The following LRRC4C variants were observed in gnomAD, a reference collection of about 807,000 sequenced individuals.
LRRC4C encodes the protein leucine-rich repeat-containing protein 4C.
In LRRC4C, 5 loss-of-function variants were observed where a neutral mutation model predicts 33.6. The ratio of observed to expected loss-of-function variants is 0.15; its 90% CI spans 0.08 to 0.31. The LOEUF is 0.31. Among genes scored for constraint, LRRC4C ranks in the 10% least tolerant of loss-of-function variants. The pLI, the probability that LRRC4C is intolerant of heterozygous loss-of-function variation, is 1.00. For synonymous variants in LRRC4C, 329 were observed against 302.0 expected (o/e 1.09, Z -0.93); for missense variants, 560 against 796.7 (o/e 0.70, Z 3.58).
intron 2 of LRRC4C, among the ~76,000 whole-genome samples, chr11:40,728,053 A>C (rs1947372504): frequency 6.7e-6 from 1 of 150,258 alleles, no homozygotes; most frequent in Non-Finnish European, 1.5e-5. Context: ...AAAATAATGA[A>C]CATCACGAAT....
chr11:41,324,565 T>TA (rs1198949756), intron 1 of LRRC4C, among the ~76,000 whole-genome samples: 1 of 152,228 alleles, frequency 6.6e-6, no homozygotes, highest in African/African-American at 2.4e-5. Flanking sequence ...AATGACATCC[T>TA]ATCTGTAAAG....
chr11:40,451,818 A>G (rs1196162553), intron 3 of LRRC4C, among the ~76,000 whole-genome samples: 1 of 152,194 alleles, frequency 6.6e-6, no homozygotes, highest in African/African-American at 2.4e-5. Flanking sequence ...TAGAGTCAAG[A>G]TGGCTGAATA....
intron 2 of LRRC4C, among the ~76,000 whole-genome samples, chr11:40,687,782 T>A (rs944955631): frequency 5.3e-5 from 8 of 152,118 alleles, no homozygotes; most frequent in African/African-American, 1.9e-4. Flanking sequence ...AATTTCCTAA[T>A]GTGTAAATGG....
chr11:40,367,370 C>A (rs184418153), intron 3 of LRRC4C, among the ~76,000 whole-genome samples: 1 of 152,010 alleles, frequency 6.6e-6, no homozygotes, highest in African/African-American at 2.4e-5. Flanking sequence ...GAAACATTTC[C>A]AGTTGTTAAT....
rs543144777 is a variant in LRRC4C at position 40,593,835 on chromosome 11, G to T, written c.-270+54307C>A. Reference sequence around the variant, plus strand: ...ACCCATGTCACTTTTTAATTAAAATGAAAATCTTGCAATATCCTTTAGATT... The same window carrying T: ...ACCCATGTCACTTTTTAATTAAAATTAAAATCTTGCAATATCCTTTAGATT... On this transcript the variant is annotated intron_variant, in intron 3 of 6. Transcript: ENST00000528697. Among the ~76,000 whole-genome samples the T allele has an allele frequency of 2.0e-5, 3 of 152,182 alleles. No individual in the cohort carries two copies. The South Asian group carries it at 6.2e-4, about 32-fold the overall frequency.
At chr11:40,310,861 C>T (rs1031162697) in intron 4 of LRRC4C, among the ~76,000 whole-genome samples, 3 of 152,120 alleles carry the variant, frequency 2.0e-5, no homozygotes, top group Non-Finnish European at 2.9e-5. Flanking sequence ...AGACTGGGTC[C>T]TAAAGAAGAA....
chr11:41,456,822 T>C (rs1956184622), intron 1 of LRRC4C, among the ~76,000 whole-genome samples: 3 of 152,094 alleles, frequency 2.0e-5, no homozygotes, highest in African/African-American at 7.2e-5. Context: ...AAGGCATGGA[T>C]CTGGAGTTGG....
intron 2 of LRRC4C, among the ~76,000 whole-genome samples, chr11:40,885,239 T>G (rs74975063): frequency 9.1e-4 from 138 of 152,228 alleles, no homozygotes; most frequent in African/African-American, 3.2e-3. Context: ...AAATTTAAAG[T>G]TATTGCTTAG....
intron 2 of LRRC4C, among the ~76,000 whole-genome samples, chr11:40,878,827 C>A (rs1309406651): frequency 6.6e-6 from 1 of 152,160 alleles, no homozygotes; most frequent in Non-Finnish European, 1.5e-5. Context: ...TATTCACATA[C>A]AGTTTTACAA....
chr11:40,379,683 T>A (rs531239279), intron 3 of LRRC4C, among the ~76,000 whole-genome samples: 1 of 152,350 alleles, frequency 6.6e-6, no homozygotes, highest in South Asian at 2.1e-4. Context: ...CTGATGGTTG[T>A]TAGTTTATCA....
intron 5 of LRRC4C, among the ~76,000 whole-genome samples, chr11:40,200,426 C>T (rs1254481529): frequency 1.3e-5 from 2 of 151,436 alleles, no homozygotes; most frequent in Non-Finnish European, 2.9e-5. Flanking sequence ...CTTCAAAACA[C>T]GTTACCTTAG....
chr11:41,395,343 T>C (rs61877331), intron 1 of LRRC4C, among the ~76,000 whole-genome samples: 145 of 152,112 alleles, frequency 9.5e-4, no homozygotes, highest in Non-Finnish European at 1.6e-3. Context: ...GTAGAAATGC[T>C]GTATAACCTC....
chr11:40,409,796 T>C (rs1294172436), intron 3 of LRRC4C, among the ~76,000 whole-genome samples: 1 of 152,068 alleles, frequency 6.6e-6, no homozygotes, highest in Non-Finnish European at 1.5e-5. Flanking sequence ...TGTAAATTAG[T>C]ATAAGCATTA....
chr11:40,589,364 T>A (rs896598353), intron 3 of LRRC4C, among the ~76,000 whole-genome samples: 13 of 152,154 alleles, frequency 8.5e-5, no homozygotes, highest in Admixed American at 8.5e-4. Context: ...TTTGAGCCTA[T>A]GTGTGTCTCT....
chr11:41,185,477 A>G (rs967837296), intron 1 of LRRC4C, among the ~76,000 whole-genome samples: 1 of 152,210 alleles, frequency 6.6e-6, no homozygotes, highest in African/African-American at 2.4e-5. Flanking sequence ...AAAGTAAAAC[A>G]GAAAATCTGC....
In LRRC4C at chr11:40,282,858, A is replaced by T. The variant is rs555284386; in HGVS notation, c.-176+36770T>A. On this transcript the variant is annotated intron_variant, in intron 4 of 6. Transcript: ENST00000528697. ...ATGTATGTATGCCTGGCTCCCACAA[A>T]GCCAGGTGTTCACATGTTGTCAAAA... Among the ~76,000 whole-genome samples, 499 of 152,326 alleles carry T rather than the reference A, an allele frequency of 3.3e-3. 2 individuals are homozygous for T. The highest frequency in any genetic ancestry group is 5.2e-3 in the Non-Finnish European group (355 of 68,028).
At chr11:40,494,101 A>G (rs561592138) in intron 3 of LRRC4C, among the ~76,000 whole-genome samples, 1 of 152,124 alleles carries the variant, frequency 6.6e-6, no homozygotes, top group East Asian at 1.9e-4. Flanking sequence ...ATCCTTCTCC[A>G]TATTGCTACC....
At chr11:40,838,137 C>A (rs534174914) in intron 2 of LRRC4C, among the ~76,000 whole-genome samples, 1 of 152,076 alleles carries the variant, frequency 6.6e-6, no homozygotes, top group South Asian at 2.1e-4. Context: ...TCCAGGTGAA[C>A]TGAAAACTCT....
intron 5 of LRRC4C, among the ~76,000 whole-genome samples, chr11:40,226,683 G>C (rs1052647775): frequency 2.6e-5 from 4 of 152,106 alleles, no homozygotes; most frequent in Non-Finnish European, 5.9e-5. Flanking sequence ...TTCTGTTTTG[G>C]CATCTGGTCC....
Sources: allele counts gnomAD v4.1 joint callset (sites outside exome capture counted in the v4.1 genomes callset), GRCh38; gene constraint gnomAD v4.1.1; transcripts MANE v1.5; gene names NCBI Gene and HGNC (gene_info 2026-07-23, HGNC 2026-07-21).